SLCO3A1: variants seen among roughly 807,000 people sequenced by gnomAD.
SLCO3A1 encodes the protein PGE1 transporter.
A neutral mutation model predicts 63.1 loss-of-function variants in SLCO3A1; 27 were observed. The observed-to-expected ratio is 0.43, with a 90% CI of 0.32 to 0.59. SLCO3A1 has a LOEUF of 0.59. SLCO3A1 is among the 20% of genes least tolerant of loss of function. The probability of loss-of-function intolerance (pLI) is 0.09; values close to 1 mark genes in which losing one functional copy is unlikely to be tolerated. For missense variants in SLCO3A1, 773 were observed against 945.8 expected, an observed-to-expected ratio of 0.82 and a Z score of 2.40; for synonymous variants, 473 against 409.9, an observed-to-expected ratio of 1.15 and a Z score of -1.86.
chr15:92,118,370 A>G (rs895216269), intron 4 of SLCO3A1, among the ~76,000 whole-genome samples: 3 of 152,270 alleles, frequency 2.0e-5, no homozygotes, highest in African/African-American at 7.2e-5. Flanking sequence ...GGCTCAGTCC[A>G]TTTGCATAAC....
At chr15:91,963,624 G>A (rs768264158) in intron 2 of SLCO3A1, among the ~76,000 whole-genome samples, 2 of 152,272 alleles carry the variant, frequency 1.3e-5, no homozygotes, top group East Asian at 1.9e-4. Flanking sequence ...GAATGAAGCC[G>A]TGGACCTTCG....
chr15:91,914,118 A>G (rs1597115293), intron 1 of SLCO3A1, among the ~76,000 whole-genome samples: 1 of 152,178 alleles, frequency 6.6e-6, no homozygotes, highest in Non-Finnish European at 1.5e-5. Flanking sequence ...CACCAGCTCT[A>G]TGAGGTAGCA....
intron 2 of SLCO3A1, among the ~76,000 whole-genome samples, chr15:91,957,788 A>C (rs916128868): frequency 3.3e-5 from 5 of 152,206 alleles, no homozygotes; most frequent in African/African-American, 9.7e-5. Context: ...GTATTAATAC[A>C]TGCTTCATTA....
chr15:92,120,896 T>G (rs1334417605), intron 5 of SLCO3A1, among the ~76,000 whole-genome samples: 1 of 152,152 alleles, frequency 6.6e-6, no homozygotes, highest in African/African-American at 2.4e-5. Flanking sequence ...TAGATGGGTG[T>G]GAAATGGGAA....
Position 92,137,631 on chromosome 15 carries a change from A to C in SLCO3A1, c.1512+9142A>C, listed in dbSNP as rs1192377334. 3.7e-5 allele frequency among the ~76,000 whole-genome samples: 4 copies of C among 109,248 alleles called. 2 individuals carry two copies. Among genetic ancestry groups the C allele is most frequent in the Non-Finnish European group, 7.0e-5 (4 of 56,846 alleles). The allele number at this position is 109,248 out of a possible 152,430, so 71.7% of individuals were successfully genotyped here. A position where few individuals can be genotyped will look rare whatever the true frequency, so the allele number is the denominator to read the frequency against. ...CCTATTTCTCCACATCCTCTCCAGC[A>C]CCTGTTGTGTCCTCACTTTTTAATG... On this transcript the variant is annotated intron_variant, in intron 7 of 9. Coordinates refer to ENST00000318445, the MANE Select transcript of SLCO3A1 (RefSeq NM_013272.4).
intron 2 of SLCO3A1, among the ~76,000 whole-genome samples, chr15:91,974,258 C>CATTATTATT (rs1555420133): frequency 3.2e-5 from 2 of 63,044 alleles, no homozygotes; most frequent in Admixed American, 3.0e-4. Context: ...ACACCATTTT[C>CATTATTATT]ATTATTGTTA....
chr15:92,035,676 C>G (rs2046717120), intron 2 of SLCO3A1, among the ~76,000 whole-genome samples: 1 of 151,718 alleles, frequency 6.6e-6, no homozygotes, highest in Non-Finnish European at 1.5e-5. Context: ...AGCCCCAGAC[C>G]TTTAGGACCT....
intron 1 of SLCO3A1, among the ~76,000 whole-genome samples, chr15:91,869,562 G>C (rs1897243631): frequency 6.6e-6 from 1 of 151,590 alleles, no homozygotes; most frequent in Non-Finnish European, 1.5e-5. Context: ...GTGTGGTGCT[G>C]CATGCCACCA....
At chr15:92,100,569 T>G (rs183579307) in intron 3 of SLCO3A1, among the ~76,000 whole-genome samples, 2 of 152,346 alleles carry the variant, frequency 1.3e-5, no homozygotes, top group Admixed American at 6.5e-5. Context: ...GCAGCCATTT[T>G]TTTTAAAGTT....
chr15:91,877,854 G>A (rs907157390), intron 1 of SLCO3A1, among the ~76,000 whole-genome samples: 2 of 152,138 alleles, frequency 1.3e-5, no homozygotes, highest in South Asian at 2.1e-4. Context: ...ATCTAAGCCT[G>A]CAGCCAAAAG....
At chr15:92,098,389 C>G (rs149848553) in intron 3 of SLCO3A1, among the ~76,000 whole-genome samples, 228 of 152,314 alleles carry the variant, frequency 1.5e-3, no homozygotes, top group African/African-American at 5.1e-3. Flanking sequence ...CTACGTGGTT[C>G]CCTTTGCTCC....
chr15:91,940,163 G>A (rs922257672), intron 2 of SLCO3A1, among the ~76,000 whole-genome samples: 8 of 152,148 alleles, frequency 5.3e-5, no homozygotes, highest in Non-Finnish European at 1.0e-4. Context: ...TCCAATGACA[G>A]CAGCTCCTGC....
intron 2 of SLCO3A1, among the ~76,000 whole-genome samples, chr15:91,988,062 A>C (rs528792231): frequency 6.6e-6 from 1 of 152,316 alleles, no homozygotes; most frequent in African/African-American, 2.4e-5. Flanking sequence ...TATCACTTAC[A>C]GATGCAGGCT....
At chr15:91,973,529 A>G (rs926146580) in intron 2 of SLCO3A1, among the ~76,000 whole-genome samples, 2 of 152,222 alleles carry the variant, frequency 1.3e-5, no homozygotes, top group Non-Finnish European at 2.9e-5. Flanking sequence ...GTCTAAAATC[A>G]TGGTGCGTTT....
intron 2 of SLCO3A1, among the ~76,000 whole-genome samples, chr15:92,046,632 A>G (rs764787150): frequency 6.6e-6 from 1 of 152,112 alleles, no homozygotes; most frequent in Non-Finnish European, 1.5e-5. Flanking sequence ...TGCCTTGTCC[A>G]AGGCTGCAGT....
chr15:91,887,137 A>T (rs924856444), intron 1 of SLCO3A1, among the ~76,000 whole-genome samples: 2 of 152,222 alleles, frequency 1.3e-5, no homozygotes, highest in Non-Finnish European at 2.9e-5. Flanking sequence ...TGGGTCATAG[A>T]CAGGTTTAGA....
rs1269891941 is a variant in SLCO3A1 at position 91,863,931 on chromosome 15, C to T, written c.180+9843C>T. On this transcript the variant is annotated intron_variant, in intron 1 of 9. Coordinates refer to ENST00000318445, the MANE Select transcript of SLCO3A1 (RefSeq NM_013272.4). This position sits in a 1 kb window ranked among gnomAD's most constrained non-coding sequence, Gnocchi z 4.3. ...TTTGGAAACAAAAACCATAAATTAG[C>T]ACCATTCCTTTACCTTTGCCAAGCT... Among the ~76,000 whole-genome samples, 1 of 152,200 alleles carries T rather than the reference C, an allele frequency of 6.6e-6. No individual in the cohort carries two copies. Among genetic ancestry groups the T allele is most frequent in the Non-Finnish European group, 1.5e-5 (1 of 68,028 alleles).
intron 7 of SLCO3A1, among the ~76,000 whole-genome samples, chr15:92,142,083 A>C (rs531937692): frequency 6.6e-6 from 1 of 152,238 alleles, no homozygotes; most frequent in Non-Finnish European, 1.5e-5. Context: ...TTAAATCTGA[A>C]TAAATAAATA....
At chr15:92,148,984 A>ATGAGTAGTTTATTTTTCATTATT (rs2048268525) in intron 8 of SLCO3A1, 1 of 152,234 alleles carries the variant, frequency 6.6e-6, no homozygotes, top group African/African-American at 2.4e-5. Flanking sequence ...TGGCTGCCTT[A>ATGAGTAGTTTATTTTTCATTATT]TGAGTAGTTT....
Sources: gnomAD v4.1 joint callset for allele counts (sites outside exome capture counted in the v4.1 genomes callset) on GRCh38, gnomAD v4.1.1 for gene constraint, Gnocchi (gnomAD v3.1) non-coding constraint, MANE v1.5 for transcripts, NCBI Gene and HGNC (gene_info 2026-07-23, HGNC 2026-07-21) for gene names.